PLXNB3: variants seen among roughly 807,000 people sequenced by gnomAD.
PLXNB3 encodes the protein plexin B3, also known as plexin-B3.
Under a neutral mutation model 125.7 loss-of-function variants are expected in PLXNB3, and 80 were observed. The ratio of observed to expected loss-of-function variants is 0.64; its 90% CI spans 0.53 to 0.77. The LOEUF is 0.77. PLXNB3 is among the 30% of genes least tolerant of loss of function. PLXNB3 has a pLI of 0.00. For synonymous variants in PLXNB3, 954 were observed against 783.3 expected (o/e 1.22, Z -3.64); for missense variants, 1,836 against 1,729.3 (o/e 1.06, Z -1.09).
intron 35 of PLXNB3, 100 bp downstream of exon 35, chrX:153,778,774 G>A: frequency 8.9e-7 from 1 of 1,120,812 alleles, no homozygotes; most frequent in Non-Finnish European, 1.2e-6. Context: ...GCGGGGCCCA[G>A]GCTGGGGAAG....
chrX:153,771,113 C>A (rs782751189), intron 12 of PLXNB3, 32 bp downstream of exon 12: 4 of 1,144,121 alleles, frequency 3.5e-6, no homozygotes, highest in Non-Finnish European at 4.8e-6. Flanking sequence ...CCTCTTGCCC[C>A]CAAGCTTCCG....
At chrX:153,776,706 CGGG>C in intron 28 of PLXNB3, among the ~76,000 whole-genome samples, 178 bp from the exon 29 acceptor site, 1 of 7,505 alleles carries the variant, frequency 1.3e-4, no homozygotes. Flanking sequence ...GGGGCTGGGG[CGGG>C]GATGGGGGGC....
At chrX:153,778,180 C>T in intron 32 of PLXNB3, 81 bp from the exon 33 acceptor site, 2 of 1,196,265 alleles carry the variant, frequency 1.7e-6, no homozygotes, top group Non-Finnish European at 2.3e-6. Flanking sequence ...GTGCACAGAG[C>T]TCTGGGTGGG....
intron 29 of PLXNB3, 41 bp downstream of exon 29, chrX:153,777,021 G>C (rs782055203): frequency 7.7e-6 from 8 of 1,043,670 alleles, no homozygotes; most frequent in Non-Finnish European, 1.0e-5. Context: ...TGGAGTCCAG[G>C]CTGGGCAGGC....
Position 153,777,546 on chromosome X carries a change from G to A in PLXNB3, c.5119G>A (p.Val1707Met). 5.8e-6 allele frequency: 7 copies of A among 1,211,746 alleles called. No individual in the cohort carries two copies. The highest frequency in any genetic ancestry group is 7.8e-6 in the Non-Finnish European group (7 of 895,493). The change falls in exon 31 of 36, where the codon GTG becomes ATG. Residue 1707 changes from valine (V) to methionine (M), a missense_variant. Transcript: ENST00000361971. ...CTCGCAGGGCACGCTGCAGAAGTTT[G>A]TGGACGACACCTTCCAGGCCATTCT... Reference protein sequence around the residue: ...LSMKGTLQKFVDDTFQAILSV... With the variant: ...LSMKGTLQKFMDDTFQAILSV...
chrX:153,769,835 G>C lies in PLXNB3; in HGVS notation c.1525G>C (p.Ala509Pro). The change falls in exon 7 of 36, where the codon GCA becomes CCA. Residue 509 changes from alanine to proline, a missense_variant. Ala to Pro is a conservative substitution (Grantham distance 27). Transcript: ENST00000361971. ...TACCCGGAAGGGCCAGTGCGGGCGG[G>C]CAGGCCAGCTGAACCAGTGGCTGTG... The part of the protein sequence containing the change: ...RCTRKGQCGR[A>P]GQLNQWLWSY... 8 of 1,204,350 alleles carry C rather than the reference G, an allele frequency of 6.6e-6. No homozygotes were observed. Among genetic ancestry groups the C allele is most frequent in the Non-Finnish European group, 9.0e-6 (8 of 892,671 alleles).
chrX:153,768,011 C>G, intron 3 of PLXNB3, 98 bp downstream of exon 3: 1 of 938,132 alleles, frequency 1.1e-6, no homozygotes, highest in Non-Finnish European at 1.4e-6. Flanking sequence ...CAGCCAACCT[C>G]TCAGCCAGGG....
At chrX:153,766,833 G>A in intron 2 of PLXNB3, 40 bp from the exon 3 acceptor site, 1 of 1,142,129 alleles carries the variant, frequency 8.8e-7, no homozygotes, top group Non-Finnish European at 1.2e-6. Context: ...TCCTCTATCT[G>A]CCTTGCGCTC....
chrX:153,772,707 G>T (rs1557062412), intron 16 of PLXNB3, 179 bp from the exon 17 acceptor site: 22 of 1,026,542 alleles, frequency 2.1e-5, no homozygotes, highest in Non-Finnish European at 2.5e-5. Context: ...AGGGGTGGGT[G>T]GGAGGAAGCT....
At chrX:153,772,066 A>C in intron 15 of PLXNB3, 51 bp downstream of exon 15, 1 of 1,156,403 alleles carries the variant, frequency 8.6e-7, no homozygotes, top group Non-Finnish European at 1.2e-6. Context: ...AGAGATGGCC[A>C]CCCAGAGATA....
intron 2 of PLXNB3, 53 bp downstream of exon 2, chrX:153,765,633 G>C: frequency 2.6e-6 from 3 of 1,169,649 alleles, no homozygotes. Flanking sequence ...GGGCAGGGTA[G>C]GGCAGGATGG....
Position 153,777,326 on chromosome X carries a change from A to G in PLXNB3, c.5046A>G (p.Pro1682=), listed in dbSNP as rs781967090. The G allele has an allele frequency of 2.5e-6, 3 of 1,207,489 alleles. No homozygotes were observed. Among genetic ancestry groups the G allele is most frequent in the Non-Finnish European group, 3.4e-6 (3 of 892,591 alleles). Residue 1682 remains proline (P), a synonymous_variant, in exon 30 of 36, where the codon CCA becomes CCG. Coordinates refer to ENST00000361971, the MANE Select transcript of PLXNB3 (RefSeq NM_005393.3). ...GCAGCAGCCTGCGGGAGCGCGAGCC[A>G]GCAAGGGCCAAGGCCATTCCGGAAA... is the stretch of plus-strand genomic sequence containing the variant. ...VRCSSLRERE[P]ARAKAIPEIY...
Position 153,765,579 on chromosome X carries a change from T to TGGTAA in PLXNB3, c.45+1_45+5dup. ...GAGACCCCTCTGCTGCACCACTTCA[T>TGGTAA]GGTAAGTGCCCAGGCCCGGTGTCCC... On this transcript the variant is annotated frameshift_variant and splice_region_variant, in exon 2 of 36. Transcript: ENST00000361971. LOFTEE classifies it high-confidence loss of function. 8.4e-7 allele frequency: 1 copy of TGGTAA among 1,192,955 alleles called. No homozygotes were observed. Among genetic ancestry groups the TGGTAA allele is most frequent in the African/African-American group, 1.7e-5 (1 of 57,556 alleles).
In PLXNB3 at chrX:153,765,484, C is replaced by G. The variant is rs1037419212; in HGVS notation, c.-52C>G. ...CCTCCCACTCAGGACAATGCCCCCC[C>G]GCAGCCATCTCATGCCCATCGCCAC... is the stretch of plus-strand genomic sequence containing the variant. On this transcript the variant is annotated 5_prime_UTR_variant, in exon 2 of 36. Coordinates refer to ENST00000361971, the MANE Select transcript of PLXNB3 (RefSeq NM_005393.3). The G allele has an allele frequency of 9.1e-5, 106 of 1,160,683 alleles. No homozygotes were observed. The highest frequency in any genetic ancestry group is 6.6e-4 in the Admixed American group (26 of 39,109).
At chrX:153,766,318 G>T (rs2091856784) in intron 2 of PLXNB3, 1 of 1,155,968 alleles carries the variant, frequency 8.7e-7, no homozygotes, top group Non-Finnish European at 1.2e-6. Flanking sequence ...GGCCCTGGCT[G>T]CCCAAGGCAG....
At chrX:153,776,706 CGGGGATG>C (rs2091997463) in intron 28 of PLXNB3, among the ~76,000 whole-genome samples, 174 bp from the exon 29 acceptor site, 4 of 7,505 alleles carry the variant, frequency 5.3e-4, no homozygotes, top group Non-Finnish European at 8.0e-4. Flanking sequence ...GGGGCTGGGG[CGGGGATG>C]GGGGGCGGGG....
chrX:153,769,338 A>AG (rs1388360038), intron 6 of PLXNB3, 76 bp downstream of exon 6: 3 of 882,631 alleles, frequency 3.4e-6, no homozygotes, highest in Non-Finnish European at 4.8e-6. Flanking sequence ...AAGTAGCCCT[A>AG]GGCGTGCCGG....
chrX:153,765,541 C>G lies in PLXNB3; in HGVS notation c.6C>G (p.Cys2Trp). Reference sequence around the variant, plus strand: ...GGGGCAGCTGAACTGAGCGTATGTGCCACGCCGCCCAGGAGACCCCTCTGC... The same window carrying G: ...GGGGCAGCTGAACTGAGCGTATGTGGCACGCCGCCCAGGAGACCCCTCTGC... M[C>W]HAAQETPLLH... The change falls in exon 2 of 36, where the codon TGC (cysteine) becomes TGG (tryptophan). Residue 2 changes from cysteine to tryptophan, a missense_variant. Transcript: ENST00000361971. 8.4e-7 allele frequency: 1 copy of G among 1,195,491 alleles called. No individual in the cohort carries two copies. Among genetic ancestry groups the G allele is most frequent in the Non-Finnish European group, 1.1e-6 (1 of 887,336 alleles).
In PLXNB3 at chrX:153,776,005, T is replaced by C; in HGVS notation, c.4520T>C (p.Leu1507Pro). The C allele has an allele frequency of 8.3e-7, 1 of 1,208,665 alleles. No individual in the cohort carries two copies. Among genetic ancestry groups the C allele is most frequent in the Non-Finnish European group, 1.1e-6 (1 of 894,155 alleles). Reference sequence around the variant, plus strand: ...CGGACCCTGAATGATAGCCGCTTGCTGCGGGAGGACGTGGAGTTCCAGCCC... The same window carrying C: ...CGGACCCTGAATGATAGCCGCTTGCCGCGGGAGGACGTGGAGTTCCAGCCC... Reference protein sequence around the residue: ...AKRTLNDSRLLREDVEFQPLT... With the variant: ...AKRTLNDSRLPREDVEFQPLT... Residue 1507 changes from leucine (L) to proline (P), a missense_variant, in exon 27 of 36, where the codon CTG becomes CCG. Transcript: ENST00000361971.
Sources: allele counts gnomAD v4.1 joint callset (sites outside exome capture counted in the v4.1 genomes callset), GRCh38; gene constraint gnomAD v4.1.1; transcripts MANE v1.5; gene names NCBI Gene and HGNC (gene_info 2026-07-23, HGNC 2026-07-21).